The following MCF2L variants were observed in gnomAD, a reference collection of about 807,000 sequenced individuals.
The protein encoded by MCF2L is guanine nucleotide exchange factor DBS.
MCF2L carries 97 observed loss-of-function variants against 153.4 expected under a neutral mutation model. That is an observed-to-expected ratio of 0.63 (90% confidence interval 0.54 to 0.75). The LOEUF is 0.75. Ranked by LOEUF, MCF2L falls within the 30% of genes least tolerant of loss-of-function variation. The probability of loss-of-function intolerance (pLI) is 0.00; values close to 1 mark genes in which losing one functional copy is unlikely to be tolerated. For missense variants in MCF2L, 1,347 were observed against 1,495.2 expected, an observed-to-expected ratio of 0.90 and a Z score of 1.64; for synonymous variants, 659 against 632.2, an observed-to-expected ratio of 1.04 and a Z score of -0.64.
intron 1 of MCF2L, among the ~76,000 whole-genome samples, chr13:112,978,970 G>A (rs993761189): frequency 6.6e-6 from 1 of 152,246 alleles, no homozygotes; most frequent in Non-Finnish European, 1.5e-5. Context: ...AGCCCTGGAT[G>A]CTGTCACCTC....
At position 113,031,064 on chromosome 13, in the gene MCF2L, GAGACAGAGACAGACAGAT is replaced by G. The variant is rs1566767782; in HGVS notation, c.278+6308_278+6325del. Among the ~76,000 whole-genome samples the G allele has an allele frequency of 1.1e-4, 15 of 141,172 alleles. No homozygotes were observed. The highest frequency in any genetic ancestry group is 3.8e-4 in the African/African-American group (14 of 36,586). 92.6% of individuals were successfully genotyped at this position (141,172 alleles called of 152,430 possible). A position where few individuals can be genotyped will look rare whatever the true frequency, so the allele number is the denominator to read the frequency against. ...ACAGAGACAGACAGATACAGACAGA[GAGACAGAGACAGACAGAT>G]ACAGACAGAGACAGAGACAGAGAGA... On this transcript the variant is annotated intron_variant, in intron 3 of 29. Transcript: ENST00000535094. This position sits in a 1 kb window ranked among gnomAD's most constrained non-coding sequence, Gnocchi z 5.5.
chr13:112,974,768 G>A (rs2082160193), intron 1 of MCF2L, among the ~76,000 whole-genome samples: 1 of 152,164 alleles, frequency 6.6e-6, no homozygotes, highest in Non-Finnish European at 1.5e-5. Context: ...GGCTTCAGCT[G>A]CTCATGAAAG....
rs1239198021 is a variant in MCF2L, at chr13:113,027,313, T to C, written c.278+2555T>C. Among the ~76,000 whole-genome samples, 1 of 151,890 alleles carries C rather than the reference T, an allele frequency of 6.6e-6. No homozygotes were observed. The highest frequency in any genetic ancestry group is 1.9e-4 in the East Asian group (1 of 5,160). On this transcript the variant is annotated intron_variant, in intron 3 of 29. Coordinates refer to ENST00000535094, the MANE Select transcript of MCF2L (RefSeq NM_001112732.3). This position sits in a 1 kb window ranked among gnomAD's most constrained non-coding sequence, Gnocchi z 4.8. Reference sequence around the variant, plus strand: ...AGCTGGCAGCAGCCAGCCTCTGCAGTCATGCCTCAAGGAGAGGGAGAGCGG... The same window carrying C: ...AGCTGGCAGCAGCCAGCCTCTGCAGCCATGCCTCAAGGAGAGGGAGAGCGG...
intron 17 of MCF2L, 43 bp downstream of exon 17, chr13:113,082,585 T>C: frequency 7.3e-7 from 1 of 1,372,604 alleles, no homozygotes. Context: ...CGTGATCTCT[T>C]GCAGCTAATG....
rs964083408 is a variant in MCF2L, at chr13:113,056,176, C to T, written c.370-4417C>T. 6.6e-5 allele frequency among the ~76,000 whole-genome samples: 10 copies of T among 152,362 alleles called. No homozygotes were observed. The South Asian group carries it at 1.9e-3, about 28-fold the overall frequency. On this transcript the variant is annotated intron_variant, in intron 4 of 29. Transcript: ENST00000535094. Reference sequence around the variant, plus strand: ...ACGGGGAGGGCAGCCGCCCAGTGACCGAGCCCTTAGTTTATGCACAAGGGG... The same window carrying T: ...ACGGGGAGGGCAGCCGCCCAGTGACTGAGCCCTTAGTTTATGCACAAGGGG...
chr13:112,937,738 G>A (rs949445041), intron 2 of MCF2L, among the ~76,000 whole-genome samples: 1 of 150,754 alleles, frequency 6.6e-6, no homozygotes, highest in Non-Finnish European at 1.5e-5. Context: ...AGGTAGGTGA[G>A]CACTGATGTG....
intron 3 of MCF2L, among the ~76,000 whole-genome samples, chr13:113,025,305 A>G (rs1404970012): frequency 1.5e-5 from 1 of 67,188 alleles, no homozygotes; most frequent in African/African-American, 6.2e-5. Context: ...GTGAGGTTTC[A>G]TCATGGTGGG....
chr13:113,047,876 G>C (rs796470028), intron 4 of MCF2L, among the ~76,000 whole-genome samples: 18 of 50,260 alleles, frequency 3.6e-4, no homozygotes, highest in African/African-American at 1.3e-3. Flanking sequence ...GTGCCCCAGA[G>C]CCTCCGCTGA....
At chr13:112,991,810 CAGG>C (rs2082909291) in intron 1 of MCF2L, among the ~76,000 whole-genome samples, 1 of 152,202 alleles carries the variant, frequency 6.6e-6, no homozygotes, top group African/African-American at 2.4e-5. Context: ...TCTGGCAGGG[CAGG>C]ATTTGGCTGG....
At chr13:113,041,396 G>C (rs74115762) in intron 3 of MCF2L, among the ~76,000 whole-genome samples, 2,290 of 152,116 alleles carry the variant, frequency 0.015, 64 homozygotes, top group African/African-American at 0.053. Flanking sequence ...TGGGCCGTGG[G>C]GGGGCGGGGA....
At chr13:112,999,624 G>A (rs1192813686) in intron 1 of MCF2L, among the ~76,000 whole-genome samples, 1 of 152,206 alleles carries the variant, frequency 6.6e-6, no homozygotes, top group Non-Finnish European at 1.5e-5. Flanking sequence ...TTGGGCCTCG[G>A]GGGTCTCTGC....
rs548573812 is a variant in MCF2L at position 113,091,824 on chromosome 13, C to T, written c.2953+2096C>T. 1.6e-4 allele frequency among the ~76,000 whole-genome samples: 24 copies of T among 152,304 alleles called. No homozygotes were observed. The East Asian group carries it at 4.2e-3, about 27-fold the overall frequency. On this transcript the variant is annotated intron_variant, in intron 26 of 29. Coordinates refer to ENST00000535094, the MANE Select transcript of MCF2L (RefSeq NM_001112732.3). ...TGTTGAGGACCTTCAAGTGCAGGGA[C>T]GGGGCTCATGTTTGCAATCTTGAGT...
intron 2 of MCF2L, among the ~76,000 whole-genome samples, chr13:112,949,990 A>G (rs1221313951): frequency 1.4e-5 from 2 of 147,488 alleles, no homozygotes; most frequent in Non-Finnish European, 1.5e-5. Context: ...TGATTATAAA[A>G]TCCCAAGGAT....
intron 18 of MCF2L, 124 bp from the exon 19 acceptor site, chr13:113,084,768 G>A (rs2034472058): frequency 2.6e-6 from 2 of 760,790 alleles, no homozygotes; most frequent in Admixed American, 2.0e-5. Context: ...ATGCCTCGCA[G>A]GGCCGGGAAG....
At chr13:113,086,303 C>T (rs2034631922) in intron 21 of MCF2L, 54 bp downstream of exon 21, 1 of 1,591,874 alleles carries the variant, frequency 6.3e-7, no homozygotes, top group Non-Finnish European at 8.5e-7. Context: ...ATACACCAGC[C>T]CAGCAACTTG....
At chr13:112,985,167 C>CA in intron 1 of MCF2L, 1 of 321,048 alleles carries the variant, frequency 3.1e-6, no homozygotes, top group Non-Finnish European at 6.2e-6. Flanking sequence ...CCTGGACCTG[C>CA]ATGTAAACAT....
At chr13:113,091,670 G>A (rs896200402) in intron 26 of MCF2L, among the ~76,000 whole-genome samples, 6 of 151,800 alleles carry the variant, frequency 4.0e-5, no homozygotes, top group East Asian at 1.9e-4. Flanking sequence ...CTCCCTGTCC[G>A]ACCCGGACCC....
chr13:113,022,614 G>T (rs1328413907), intron 2 of MCF2L, among the ~76,000 whole-genome samples: 1 of 152,226 alleles, frequency 6.6e-6, no homozygotes, highest in Non-Finnish European at 1.5e-5. Flanking sequence ...AATCCACCTC[G>T]TAGCTGGGGC....
chr13:112,941,090 A>G lies in MCF2L; in HGVS notation c.169+38719A>G, dbSNP rs1404559027. Among the ~76,000 whole-genome samples the G allele has an allele frequency of 6.6e-6, 1 of 152,172 alleles. No homozygotes were observed. Among genetic ancestry groups the G allele is most frequent in the Non-Finnish European group, 1.5e-5 (1 of 68,024 alleles). On this transcript the variant is annotated intron_variant, in intron 2 of 29. Coordinates refer to the MCF2L transcript ENST00000375608. This position sits in a 1 kb window ranked among gnomAD's most constrained non-coding sequence, Gnocchi z 4.9. ...GCACCACCATAGGGAGCATATTTTT[A>G]CCATCTTTTCCGCAGGGTCAGAGTG...
Sources: allele counts gnomAD v4.1 joint callset (sites outside exome capture counted in the v4.1 genomes callset), GRCh38; gene constraint gnomAD v4.1.1; non-coding constraint Gnocchi (gnomAD v3.1); transcripts MANE v1.5; gene names NCBI Gene and HGNC (gene_info 2026-07-23, HGNC 2026-07-21).